Variants in CTNND2 observed in about 807,000 individuals in gnomAD.
CTNND2 encodes catenin delta 2, also known as catenin delta-2.
In CTNND2, 22 loss-of-function variants were observed where a neutral mutation model predicts 144.4. The ratio of observed to expected loss-of-function variants is 0.15; its 90% CI spans 0.11 to 0.22. The LOEUF is 0.22. Ranked by LOEUF, CTNND2 falls within the 10% of genes least tolerant of loss-of-function variation. The pLI, the probability that CTNND2 is intolerant of heterozygous loss-of-function variation, is 1.00. For missense variants in CTNND2, 1,353 were observed against 1,618.8 expected (o/e 0.84, Z 2.82); for synonymous variants, 751 against 695.6 (o/e 1.08, Z -1.25).
chr5:11,074,341 C>G (rs1249413841), intron 16 of CTNND2, among the ~76,000 whole-genome samples: 1 of 152,156 alleles, frequency 6.6e-6, no homozygotes, highest in African/African-American at 2.4e-5. Flanking sequence ...CGCCAGCAGA[C>G]AGTGGGGGTG....
intron 10 of CTNND2, among the ~76,000 whole-genome samples, chr5:11,207,303 T>G (rs1738149191): frequency 6.6e-6 from 1 of 151,080 alleles, no homozygotes; most frequent in Non-Finnish European, 1.5e-5. Flanking sequence ...GGTTGATGGG[T>G]GCAGAAAACC....
intron 2 of CTNND2, among the ~76,000 whole-genome samples, chr5:11,576,559 T>C (rs1777986318): frequency 6.6e-6 from 1 of 152,042 alleles, no homozygotes; most frequent in Non-Finnish European, 1.5e-5. Context: ...GTTCTGACTT[T>C]TCAGAAAAGC....
At chr5:11,617,843 T>G (rs1362845131) in intron 2 of CTNND2, among the ~76,000 whole-genome samples, 3 of 152,206 alleles carry the variant, frequency 2.0e-5, no homozygotes, top group Non-Finnish European at 4.4e-5. Flanking sequence ...ACTGCCAAAT[T>G]ATTATACCAC....
rs550550007 is a variant in CTNND2 at position 11,476,511 on chromosome 5, G to A, written c.288-64442C>T. On this transcript the variant is annotated intron_variant, in intron 3 of 21. Transcript: ENST00000304623. ...TGGAGGCAAAAGTAAACACAAACCT[G>A]GCTGATTCATATCACCTTTACATAT... 3.3e-5 allele frequency among the ~76,000 whole-genome samples: 5 copies of A among 152,160 alleles called. No homozygotes were observed. The South Asian group carries it at 6.2e-4, about 19-fold the overall frequency.
intron 7 of CTNND2, among the ~76,000 whole-genome samples, chr5:11,383,566 T>C (rs1018153440): frequency 6.6e-6 from 1 of 152,212 alleles, no homozygotes; most frequent in Non-Finnish European, 1.5e-5. Flanking sequence ...CACCCTAGCC[T>C]GCATCCTGTT....
At chr5:11,068,555 A>C (rs1217239956) in intron 16 of CTNND2, among the ~76,000 whole-genome samples, 1 of 152,218 alleles carries the variant, frequency 6.6e-6, no homozygotes, top group Non-Finnish European at 1.5e-5. Context: ...GTATGACAAT[A>C]AAAATTTGGT....
At chr5:11,037,081 A>G (rs1744159390) in intron 16 of CTNND2, among the ~76,000 whole-genome samples, 1 of 152,240 alleles carries the variant, frequency 6.6e-6, no homozygotes, top group African/African-American at 2.4e-5. Context: ...AGAAGATCCC[A>G]TTTCCACATT....
chr5:11,187,104 T>C (rs1381951534), intron 11 of CTNND2, among the ~76,000 whole-genome samples: 3 of 152,188 alleles, frequency 2.0e-5, no homozygotes, highest in Non-Finnish European at 4.4e-5. Flanking sequence ...ATGTGACATA[T>C]TGGCTCTAGA....
chr5:11,156,963 G>A (rs1229435009), intron 12 of CTNND2, among the ~76,000 whole-genome samples: 4 of 152,190 alleles, frequency 2.6e-5, no homozygotes, highest in East Asian at 3.9e-4. Context: ...TGGTGGTTGT[G>A]TATTGTTTTA....
intron 1 of CTNND2, among the ~76,000 whole-genome samples, chr5:11,764,428 G>C (rs1436637712): frequency 6.6e-6 from 1 of 152,112 alleles, no homozygotes; most frequent in Non-Finnish European, 1.5e-5. Flanking sequence ...GTCTCTGAGT[G>C]GGCTCCTCTT....
chr5:11,696,863 T>G (rs1785162782), intron 2 of CTNND2, among the ~76,000 whole-genome samples: 1 of 152,224 alleles, frequency 6.6e-6, no homozygotes, highest in South Asian at 2.1e-4. Context: ...ATTTCACAGA[T>G]AGCTGGATGA....
intron 1 of CTNND2, among the ~76,000 whole-genome samples, chr5:11,809,802 G>A (rs564731754): frequency 6.6e-6 from 1 of 152,308 alleles, no homozygotes; most frequent in South Asian, 2.1e-4. Context: ...TGCAGCCAGT[G>A]ATGATTGAAA....
At chr5:11,021,419 T>C (rs1283631626) in intron 17 of CTNND2, among the ~76,000 whole-genome samples, 2 of 152,154 alleles carry the variant, frequency 1.3e-5, no homozygotes, top group African/African-American at 4.8e-5. Flanking sequence ...TCAAAACAGG[T>C]AAGCACTTCA....
chr5:11,860,073 C>G (rs1366468216), intron 1 of CTNND2, among the ~76,000 whole-genome samples: 1 of 152,166 alleles, frequency 6.6e-6, no homozygotes, highest in Admixed American at 6.5e-5. Context: ...TGTGATCAAT[C>G]GGATTAAATA....
intron 1 of CTNND2, among the ~76,000 whole-genome samples, chr5:11,758,566 T>C (rs1789081240): frequency 6.6e-6 from 1 of 151,986 alleles, no homozygotes; most frequent in Non-Finnish European, 1.5e-5. Context: ...TGAAGTCAGT[T>C]ATCTTCCAAG....
chr5:11,182,012 TGTGTGGCG>T (rs1216085176), intron 11 of CTNND2, among the ~76,000 whole-genome samples: 990 of 44,038 alleles, frequency 0.022, 21 homozygotes, highest in African/African-American at 0.13. Context: ...TGTGTGGGTG[TGTGTGGCG>T]TGTGTGATGT....
At chr5:11,804,551 G>C (rs1390814473) in intron 1 of CTNND2, among the ~76,000 whole-genome samples, 1 of 152,118 alleles carries the variant, frequency 6.6e-6, no homozygotes, top group Non-Finnish European at 1.5e-5. Flanking sequence ...GCCATGAAAA[G>C]ACATGGCTTA....
chr5:11,245,158 G>A (rs555167533), intron 9 of CTNND2, among the ~76,000 whole-genome samples: 31 of 152,266 alleles, frequency 2.0e-4, no homozygotes, highest in East Asian at 1.4e-3. Context: ...ATTCTTGTTC[G>A]TTCAGTGAAA....
chr5:11,449,104 AATTTTC>A (rs1765089321), intron 3 of CTNND2, among the ~76,000 whole-genome samples: 1 of 151,960 alleles, frequency 6.6e-6, no homozygotes, highest in South Asian at 2.1e-4. Context: ...AGGTATCTAA[AATTTTC>A]ATTTGCTGTG....
Sources: allele counts gnomAD v4.1 joint callset (sites outside exome capture counted in the v4.1 genomes callset), GRCh38; gene constraint gnomAD v4.1.1; transcripts MANE v1.5; gene names NCBI Gene and HGNC (gene_info 2026-07-23, HGNC 2026-07-21).